The following MYNN variants were observed in gnomAD, a reference collection of about 807,000 sequenced individuals.
MYNN encodes the protein myoneurin, also known as zinc finger and BTB domain-containing protein 31.
Under a neutral mutation model 57.2 loss-of-function variants are expected in MYNN, and 22 were observed. The ratio of observed to expected loss-of-function variants is 0.38; its 90% CI spans 0.27 to 0.55. MYNN has a LOEUF of 0.55. Ranked by LOEUF, MYNN falls within the 20% of genes least tolerant of loss-of-function variation. The probability of loss-of-function intolerance (pLI) is 0.71; values close to 1 mark genes in which losing one functional copy is unlikely to be tolerated. For missense variants in MYNN, 566 were observed against 723.1 expected (o/e 0.78, Z 2.49); for synonymous variants, 241 against 257.1 (o/e 0.94, Z 0.60).
rs202063012 is a variant in MYNN, at chr3:169,783,364, G to C, written c.1400-113G>C. On this transcript the variant is annotated intron_variant, in intron 5 of 7. Coordinates refer to ENST00000349841, the MANE Select transcript of MYNN (RefSeq NM_018657.5). ...GAAAATACCTCTAAAGTACAATATA[G>C]AGAGATTTTAATTTAAATAATATTC... 1.0e-4 allele frequency: 65 copies of C among 630,050 alleles called. No homozygotes were observed. The East Asian group carries it at 1.8e-3, about 18-fold the overall frequency. 39.0% of individuals were successfully genotyped at this position (630,050 alleles called of 1,614,324 possible). A position where few individuals can be genotyped will look rare whatever the true frequency, so the allele number is the denominator to read the frequency against.
At position 169,783,458 on chromosome 3, in the gene MYNN, TC is replaced by T. The variant is rs767858583; in HGVS notation, c.1400-18del. ...ATTGGTATAGTACACCACTTCGCTA[TC>T]TTTTATTTTCCATCTAGGTGAAAAA... On this transcript the variant is annotated intron_variant, in intron 5 of 7. Coordinates refer to ENST00000349841, the MANE Select transcript of MYNN (RefSeq NM_018657.5). The T allele has an allele frequency of 9.5e-6, 14 of 1,466,318 alleles. No homozygotes were observed. In the African/African-American group the frequency reaches 1.4e-4, roughly 15 times the overall value. The allele number at this position is 1,466,318 out of a possible 1,614,324, so 90.8% of individuals were successfully genotyped here.
In MYNN at chr3:169,788,940, AAGTCCAACTTT is replaced by A. The variant is rs1191389947; in HGVS notation, c.*2264_*2274del. ...AACACTCATAACTACCATTTTAGTT[AAGTCCAACTTT>A]ATATTTGTTACAATGCAGTGTTTTG... is the stretch of plus-strand genomic sequence containing the variant. On this transcript the variant is annotated 3_prime_UTR_variant, in exon 8 of 8. Coordinates refer to ENST00000349841, the MANE Select transcript of MYNN (RefSeq NM_018657.5). The A allele has an allele frequency of 6.6e-6, 1 of 152,162 alleles. No homozygotes were observed. Among genetic ancestry groups the A allele is most frequent in the Non-Finnish European group, 1.5e-5 (1 of 68,010 alleles). 9.4% of individuals were successfully genotyped at this position (152,162 alleles called of 1,614,324 possible).
intron 3 of MYNN, 90 bp downstream of exon 3, chr3:169,779,651 A>G: frequency 7.7e-7 from 1 of 1,292,198 alleles, no homozygotes; most frequent in South Asian, 1.5e-5. Context: ...ACTACTTGTG[A>G]CCAGAATTTG....
intron 3 of MYNN, 129 bp downstream of exon 3, chr3:169,779,690 A>G (rs1363347084): frequency 1.1e-5 from 10 of 935,506 alleles, no homozygotes; most frequent in Non-Finnish European, 1.5e-5. Flanking sequence ...CAAAGTATTT[A>G]ACAGTGTTAA....
intron 2 of MYNN, among the ~76,000 whole-genome samples, chr3:169,776,035 G>A (rs1778330112): frequency 6.6e-6 from 1 of 152,160 alleles, no homozygotes; most frequent in Non-Finnish European, 1.5e-5. Context: ...TTCTTTATAA[G>A]TTGATTAAAG....
At chr3:169,784,278 C>G (rs1778608436) in intron 6 of MYNN, among the ~76,000 whole-genome samples, 2 of 151,992 alleles carry the variant, frequency 1.3e-5, no homozygotes, top group South Asian at 4.1e-4. Context: ...CACTTATTTT[C>G]TCCCAGCTGT....
intron 6 of MYNN, 200 bp downstream of exon 6, chr3:169,783,760 G>A: frequency 1.6e-6 from 1 of 629,968 alleles, no homozygotes; most frequent in Non-Finnish European, 2.9e-6. Context: ...ATTTGTTAAA[G>A]AATTGTGTTG....
rs1356248726 is a variant in MYNN, at chr3:169,786,642, A to G, written c.1797A>G (p.Ser599=). Residue 599 remains serine (S), a synonymous_variant, in exon 8 of 8, where the codon TCA becomes TCG. Coordinates refer to ENST00000349841, the MANE Select transcript of MYNN (RefSeq NM_018657.5). The stretch of plus-strand genomic sequence containing the variant: ...TGAGGTCAACTGTGAATGGGTATTC[A>G]GAACCACAGTTGATTTTTTTACAAC... ...TLLRSTVNGY[S]EPQLIFLQQL... The G allele has an allele frequency of 1.2e-6, 2 of 1,613,316 alleles. No homozygotes were observed. Among genetic ancestry groups the G allele is most frequent in the South Asian group, 2.2e-5 (2 of 91,050 alleles).
In MYNN at chr3:169,782,492, C is replaced by G; in HGVS notation, c.1248C>G (p.Val416=). 1 of 1,612,518 alleles carries G rather than the reference C, an allele frequency of 6.2e-7. No homozygotes were observed. Among genetic ancestry groups the G allele is most frequent in the Non-Finnish European group, 8.5e-7 (1 of 1,179,466 alleles). ...AGCATAGTGGAGAGAAGCCATATGT[C>G]TGTGATAGGTGTGGACAGAGATTTG... ...ARKHSGEKPY[V]CDRCGQRFAQ... is the part of the protein sequence containing the mutation. The change falls in exon 5 of 8, where the codon GTC becomes GTG. Residue 416 remains valine, a synonymous_variant. Coordinates refer to ENST00000349841, the MANE Select transcript of MYNN (RefSeq NM_018657.5). The surrounding 1 kb of genome is among the most constrained non-coding windows in gnomAD (Gnocchi z 4.8).
chr3:169,786,590 C>T lies in MYNN; in HGVS notation c.1745C>T (p.Thr582Ile), dbSNP rs1778685516. 2 of 1,613,640 alleles carry T rather than the reference C, an allele frequency of 1.2e-6. No individual in the cohort carries two copies. The highest frequency in any genetic ancestry group is 1.7e-6 in the Non-Finnish European group (2 of 1,179,630). ...CACATGCTTCTGCCTGTCACGGATA[C>T]TCAGTCTCCTACATCAGATACATTG... Reference protein sequence around the residue: ...DHHMLLPVTDTQSPTSDTLLR... With the variant: ...DHHMLLPVTDIQSPTSDTLLR... Residue 582 changes from threonine to isoleucine, a missense_variant, in exon 8 of 8, where the codon ACT (threonine) becomes ATT (isoleucine). Thr to Ile is a moderately conservative substitution (Grantham distance 89). This residue lies in a region of MYNN where 156 missense variants were observed against 163.9 expected (regional missense o/e 0.95). Transcript: ENST00000349841.
rs1007132582 is a variant in MYNN, at chr3:169,779,348, C to G, written c.847C>G (p.Pro283Ala). ...GTCTAATATAGCCAGCGTCAAGAGT[C>G]CTTATGAGGCGGAGAACTCCGGGGA... Reference protein sequence around the residue: ...SMSNIASVKSPYEAENSGEEL... With the variant: ...SMSNIASVKSAYEAENSGEEL... The change falls in exon 3 of 8, where the codon CCT becomes GCT. Residue 283 changes from proline to alanine, a missense_variant. Around this residue, in one of 4 missense-constraint regions of MYNN, gnomAD observed 261 missense variants for 280.8 expected, o/e 0.93. Transcript: ENST00000349841. The G allele has an allele frequency of 1.9e-6, 3 of 1,614,186 alleles. No individual in the cohort carries two copies. Among genetic ancestry groups the G allele is most frequent in the African/African-American group, 2.7e-5 (2 of 75,074 alleles).
Position 169,782,405 on chromosome 3 carries a change from T to C in MYNN, c.1221-60T>C. Reference sequence around the variant, plus strand: ...TAAAATCTATAAAAAACTTTATGAATTCTTGCTATATAGACTGACCTCCAA... The same window carrying C: ...TAAAATCTATAAAAAACTTTATGAACTCTTGCTATATAGACTGACCTCCAA... On this transcript the variant is annotated intron_variant, in intron 4 of 7. Coordinates refer to ENST00000349841, the MANE Select transcript of MYNN (RefSeq NM_018657.5). This position sits in a 1 kb window ranked among gnomAD's most constrained non-coding sequence, Gnocchi z 4.8. The C allele has an allele frequency of 7.3e-7, 1 of 1,361,870 alleles. No individual in the cohort carries two copies. Among genetic ancestry groups the C allele is most frequent in the South Asian group, 1.5e-5 (1 of 67,762 alleles). 84.4% of individuals were successfully genotyped at this position (1,361,870 alleles called of 1,614,324 possible). A position where few individuals can be genotyped will look rare whatever the true frequency, so the allele number is the denominator to read the frequency against.
chr3:169,779,919 T>TA (rs1677101955), intron 3 of MYNN: 1 of 242,126 alleles, frequency 4.1e-6, no homozygotes, highest in African/African-American at 2.2e-5. Flanking sequence ...TACATACTTC[T>TA]AGACTCTGTT....
At position 169,786,689 on chromosome 3, in the gene MYNN, A is replaced by C; in HGVS notation, c.*11A>C. 1 of 1,607,546 alleles carries C rather than the reference A, an allele frequency of 6.2e-7. No homozygotes were observed. The highest frequency in any genetic ancestry group is 8.5e-7 in the Non-Finnish European group (1 of 1,175,620). On this transcript the variant is annotated 3_prime_UTR_variant, in exon 8 of 8. Coordinates refer to ENST00000349841, the MANE Select transcript of MYNN (RefSeq NM_018657.5). ...CAACAATTATACTGACTTTGTAAGG[A>C]ATATGGAATTGCTAAGATATCATTG... is the stretch of plus-strand genomic sequence containing the variant.
chr3:169,776,183 T>G (rs1041339072), intron 2 of MYNN, among the ~76,000 whole-genome samples: 2 of 152,198 alleles, frequency 1.3e-5, no homozygotes, highest in Non-Finnish European at 2.9e-5. Context: ...AAAGAACCAA[T>G]GTGAAGAACA....
Position 169,782,654 on chromosome 3 carries a change from C to T in MYNN, c.1399+11C>T, listed in dbSNP as rs1577399439. 1.2e-6 allele frequency: 2 copies of T among 1,604,238 alleles called. No individual in the cohort carries two copies. Among genetic ancestry groups the T allele is most frequent in the Non-Finnish European group, 1.7e-6 (2 of 1,176,534 alleles). On this transcript the variant is annotated intron_variant, in intron 5 of 7. Transcript: ENST00000349841. The surrounding 1 kb of genome is among the most constrained non-coding windows in gnomAD (Gnocchi z 4.8). ...CTCGAAAACATACAGGTAAGTTTGACAGGGAGAGACTGCTTAAAATAAAGT... is the reference window on the plus strand; with the variant it reads ...CTCGAAAACATACAGGTAAGTTTGATAGGGAGAGACTGCTTAAAATAAAGT...
In MYNN at chr3:169,782,800, T is replaced by C. The variant is rs1778560742; in HGVS notation, c.1399+157T>C. Among the ~76,000 whole-genome samples the C allele has an allele frequency of 6.6e-6, 1 of 152,230 alleles. No homozygotes were observed. The highest frequency in any genetic ancestry group is 1.5e-5 in the Non-Finnish European group (1 of 68,032). On this transcript the variant is annotated intron_variant, in intron 5 of 7. Transcript: ENST00000349841. This position sits in a 1 kb window ranked among gnomAD's most constrained non-coding sequence, Gnocchi z 4.8. ...ATGATTTTTGCACATATTTGTTAAATATAAAAGCTGACTTATTTTCTAGAA... is the reference window on the plus strand; with the variant it reads ...ATGATTTTTGCACATATTTGTTAAACATAAAAGCTGACTTATTTTCTAGAA...
At chr3:169,773,716 A>G (rs1018053651) in intron 1 of MYNN, among the ~76,000 whole-genome samples, 11 of 152,136 alleles carry the variant, frequency 7.2e-5, no homozygotes, top group Non-Finnish European at 1.5e-4. Context: ...CCTCGCGTAG[A>G]GAGTGGGAAG....
intron 7 of MYNN, among the ~76,000 whole-genome samples, chr3:169,785,195 A>T (rs182364796): frequency 1.3e-5 from 2 of 151,966 alleles, no homozygotes; most frequent in Non-Finnish European, 2.9e-5. Context: ...TTTTGAGTCT[A>T]TTGGTTAAAG....
Sources: gnomAD v4.1 joint callset for allele counts (sites outside exome capture counted in the v4.1 genomes callset) on GRCh38, gnomAD v4.1.1 for gene constraint, gnomAD v4.1.1 regional missense constraint, Gnocchi (gnomAD v3.1) non-coding constraint, MANE v1.5 for transcripts, NCBI Gene and HGNC (gene_info 2026-07-23, HGNC 2026-07-21) for gene names.